NT5C3B: variants seen among roughly 807,000 people sequenced by gnomAD.
The protein encoded by NT5C3B is 5'-nucleotidase, cytosolic IIIB.
A neutral mutation model predicts 32.5 loss-of-function variants in NT5C3B; 28 were observed. That is an observed-to-expected ratio of 0.86 (90% CI 0.64 to 1.18). The LOEUF is 1.18. Among genes scored for constraint, NT5C3B ranks in the 50% most tolerant of loss-of-function variants. The probability of loss-of-function intolerance (pLI) is 0.00; values close to 1 mark genes in which losing one functional copy is unlikely to be tolerated. For synonymous variants in NT5C3B, 138 were observed against 118.0 expected, an observed-to-expected ratio of 1.17 and a Z score of -1.10; for missense variants, 317 against 322.0, an observed-to-expected ratio of 0.98 and a Z score of 0.12.
intron 8 of NT5C3B, 147 bp from the exon 9 acceptor site, chr17:41,825,804 C>T (rs1275270993): frequency 3.9e-5 from 28 of 726,444 alleles, no homozygotes; most frequent in Non-Finnish European, 6.4e-5. Context: ...TCAAGGTTAC[C>T]GGGCCTACCC....
intron 4 of NT5C3B, 93 bp downstream of exon 4, chr17:41,834,977 A>C: frequency 8.1e-7 from 1 of 1,242,086 alleles, no homozygotes; most frequent in Middle Eastern, 1.9e-4. Context: ...TTAATTTTCT[A>C]AGGTCTCTAT....
At position 41,827,608 on chromosome 17, in the gene NT5C3B, T is replaced by G; in HGVS notation, c.586A>C (p.Lys196Gln). 1.2e-6 allele frequency: 1 copy of G among 861,544 alleles called. No individual in the cohort carries two copies. Among genetic ancestry groups the G allele is most frequent in the South Asian group, 1.3e-5 (1 of 76,224 alleles). The allele number at this position is 861,544 out of a possible 1,614,324, so 53.4% of individuals were successfully genotyped here. A position where few individuals can be genotyped will look rare whatever the true frequency, so the allele number is the denominator to read the frequency against. ...TTGTATGTGTGTATGAGCTGGCCCT[T>G]AAATCCCTGGAGAAAACCCTAAATA... ...FNEDGFLQGFKGQLIHTYNKN... is the reference protein window; with the variant it reads ...FNEDGFLQGFQGQLIHTYNKN... The change falls in exon 8 of 9, where the codon AAG becomes CAG. Residue 196 changes from lysine (K) to glutamine (Q), a missense_variant. By Grantham distance (53) the Lys-to-Gln change is moderately conservative (BLOSUM62 1). Coordinates refer to ENST00000435506, the MANE Select transcript of NT5C3B (RefSeq NM_052935.5).
chr17:41,826,011 C>A (rs1412168843), intron 8 of NT5C3B, among the ~76,000 whole-genome samples: 2 of 151,974 alleles, frequency 1.3e-5, no homozygotes, highest in Non-Finnish European at 2.9e-5. Flanking sequence ...AAAAATTGGC[C>A]GGGCATGGGG....
rs2047987733 is a variant in NT5C3B at position 41,827,541 on chromosome 17, T to G, written c.653A>C (p.Gln218Pro). ...SACENSGYFQ[Q>P]LEGKTNVILL... ...GATGACATTGGTTTTGCCCTCAAGTTGCTGGAAGTAACCAGAGTTCTCACA... is the reference window on the plus strand; with the variant it reads ...GATGACATTGGTTTTGCCCTCAAGTGGCTGGAAGTAACCAGAGTTCTCACA... The change falls in exon 8 of 9, where the codon CAA becomes CCA. Residue 218 changes from glutamine to proline, a missense_variant. Transcript: ENST00000435506. 1 of 872,778 alleles carries G rather than the reference T, an allele frequency of 1.1e-6. No homozygotes were observed. The highest frequency in any genetic ancestry group is 2.0e-6 in the Non-Finnish European group (1 of 501,494). 54.1% of individuals were successfully genotyped at this position (872,778 alleles called of 1,614,324 possible).
At chr17:41,828,692 C>A in intron 7 of NT5C3B, 98 bp downstream of exon 7, 2 of 1,150,926 alleles carry the variant, frequency 1.7e-6, no homozygotes, top group Non-Finnish European at 2.5e-6. Context: ...TGGCTTCCCT[C>A]CCCTTCTTCC....
Position 41,835,120 on chromosome 17 carries a change from G to T in NT5C3B, c.182-4C>A, listed in dbSNP as rs782735776. 3.1e-6 allele frequency: 5 copies of T among 1,613,958 alleles called. No homozygotes were observed. In the Admixed American group the frequency reaches 6.7e-5, roughly 22 times the overall value. ...ATCTTGCTATTATCCAGAATATCTG[G>T]AAAAAGAGAAAACTCCTTTTACTTG... On this transcript the variant is annotated splice_polypyrimidine_tract_variant and splice_region_variant and intron_variant, in intron 3 of 8. Transcript: ENST00000435506.
rs77648124 is a variant in NT5C3B, at chr17:41,835,374, G to C, written c.112-102C>G. 3,531 of 988,256 alleles carry C rather than the reference G, an allele frequency of 3.6e-3. 93 individuals carry two copies. In the African/African-American group the frequency reaches 0.052, roughly 14 times the overall value. The allele number at this position is 988,256 out of a possible 1,614,324, so 61.2% of individuals were successfully genotyped here. A position where few individuals can be genotyped will look rare whatever the true frequency, so the allele number is the denominator to read the frequency against. On this transcript the variant is annotated intron_variant, in intron 2 of 8. Transcript: ENST00000435506. ...TTATGGAAATCAATACAGCTCAGTG[G>C]CCAGGATGTAGGCAAAGCCCTAGGG...
rs150328261 is a variant in NT5C3B, at chr17:41,826,413, G to C, written c.769-756C>G. Among the ~76,000 whole-genome samples, 115 of 152,244 alleles carry C rather than the reference G, an allele frequency of 7.6e-4. 1 individual carries two copies. The highest frequency in any genetic ancestry group is 2.3e-3 in the South Asian group (11 of 4,830). Reference sequence around the variant, plus strand: ...AATTGTTGTTGCTGTTGTTGAGACAGGGTCTCACTATGTTGCCCAGGCTGG... The same window carrying C: ...AATTGTTGTTGCTGTTGTTGAGACACGGTCTCACTATGTTGCCCAGGCTGG... On this transcript the variant is annotated intron_variant, in intron 8 of 8. Coordinates refer to ENST00000435506, the MANE Select transcript of NT5C3B (RefSeq NM_052935.5).
chr17:41,832,302 G>T, intron 5 of NT5C3B, 90 bp downstream of exon 5: 1 of 1,061,422 alleles, frequency 9.4e-7, no homozygotes, highest in Non-Finnish European at 1.4e-6. Context: ...AAGGGAGCCT[G>T]TCATCTCATC....
rs1555618395 is a variant in NT5C3B, at chr17:41,827,527, T to A, written c.667A>T (p.Thr223Ser). 3.4e-6 allele frequency: 3 copies of A among 872,784 alleles called. No homozygotes were observed. Among genetic ancestry groups the A allele is most frequent in the African/African-American group, 3.3e-5 (2 of 61,302 alleles). The allele number at this position is 872,784 out of a possible 1,614,324, so 54.1% of individuals were successfully genotyped here. ...GAGTCTCCCAGCAGGATGACATTGG[T>A]TTTGCCCTCAAGTTGCTGGAAGTAA... ...SGYFQQLEGK[T>S]NVILLGDSIG... Residue 223 changes from threonine to serine, a missense_variant, in exon 8 of 9, where the codon ACC becomes TCC. Coordinates refer to ENST00000435506, the MANE Select transcript of NT5C3B (RefSeq NM_052935.5).
Position 41,833,007 on chromosome 17 carries a change from A to G in NT5C3B, c.229-530T>C, listed in dbSNP as rs116530027. Among the ~76,000 whole-genome samples, 454 of 152,124 alleles carry G rather than the reference A, an allele frequency of 3.0e-3. 4 individuals carry two copies. The highest frequency in any genetic ancestry group is 0.01 in the African/African-American group (419 of 41,508). ...ATCTTCCAACATAATCGCTCAATAC[A>G]CTCACATTTTTACCCATTTGGTGAA... On this transcript the variant is annotated intron_variant, in intron 4 of 8. Coordinates refer to ENST00000435506, the MANE Select transcript of NT5C3B (RefSeq NM_052935.5).
chr17:41,825,803 C>T, intron 8 of NT5C3B, 146 bp from the exon 9 acceptor site: 6 of 726,792 alleles, frequency 8.3e-6, no homozygotes, highest in Non-Finnish European at 1.4e-5. Flanking sequence ...TTCAAGGTTA[C>T]CGGGCCTACC....
Position 41,828,911 on chromosome 17 carries a change from T to C in NT5C3B, c.446A>G (p.Asn149Ser), listed in dbSNP as rs781825166. Residue 149 changes from asparagine (N) to serine (S), a missense_variant, in exon 7 of 9, where the codon AAC becomes AGC. Transcript: ENST00000435506. The stretch of plus-strand genomic sequence containing the variant: ...CGCAGAAAAGATGAAAAGGGGAATG[T>C]TGTTATGGTAGAGTGTGTTGAAGAA... The part of the protein sequence containing the change: ...KTFFNTLYHN[N>S]IPLFIFSAGI... 8.1e-6 allele frequency: 13 copies of C among 1,614,028 alleles called. No homozygotes were observed. The Admixed American group carries it at 1.3e-4, about 17-fold the overall frequency.
At chr17:41,834,007 A>T (rs2048096670) in intron 4 of NT5C3B, among the ~76,000 whole-genome samples, 1 of 152,228 alleles carries the variant, frequency 6.6e-6, no homozygotes, top group South Asian at 2.1e-4. Context: ...GTTCAAAAGA[A>T]GATTAAATGA....
At chr17:41,831,400 C>T (rs1020601343) in intron 5 of NT5C3B, among the ~76,000 whole-genome samples, 2 of 151,544 alleles carry the variant, frequency 1.3e-5, no homozygotes, top group African/African-American at 2.4e-5. Flanking sequence ...CTGCTGAAGT[C>T]GGCACTCTTC....
intron 1 of NT5C3B, 56 bp downstream of exon 1, chr17:41,836,126 G>A: frequency 7.6e-7 from 1 of 1,323,514 alleles, no homozygotes; most frequent in East Asian, 3.1e-5. Context: ...GGCTCGAAGC[G>A]CCCCGGGGGT....
intron 4 of NT5C3B, among the ~76,000 whole-genome samples, chr17:41,834,320 G>A (rs1555619473): frequency 2.0e-5 from 3 of 151,376 alleles, no homozygotes; most frequent in South Asian, 2.1e-4. Flanking sequence ...TGCTTGAACC[G>A]AGGTTGCAGT....
intron 1 of NT5C3B, 27 bp downstream of exon 1, chr17:41,836,155 C>T: frequency 7.7e-7 from 1 of 1,305,344 alleles, no homozygotes; most frequent in Non-Finnish European, 9.7e-7. Flanking sequence ...GGGCCCGCCC[C>T]ACTCCGGACG....
chr17:41,825,230 T>C lies in NT5C3B; in HGVS notation c.*293A>G, dbSNP rs1309926995. The C allele has an allele frequency of 1.1e-5, 4 of 351,534 alleles. No individual in the cohort carries two copies. Among genetic ancestry groups the C allele is most frequent in the Admixed American group, 4.2e-5 (1 of 23,620 alleles). The allele number at this position is 351,534 out of a possible 1,614,324, so 21.8% of individuals were successfully genotyped here. ...ATCTGTTTCACACATTATATTTGTT[T>C]GAACTTCCCATGTTTAAAAATTTTG... On this transcript the variant is annotated 3_prime_UTR_variant, in exon 9 of 9. Coordinates refer to ENST00000435506, the MANE Select transcript of NT5C3B (RefSeq NM_052935.5).
Sources: gnomAD v4.1 joint callset for allele counts (sites outside exome capture counted in the v4.1 genomes callset) on GRCh38, gnomAD v4.1.1 for gene constraint, MANE v1.5 for transcripts, NCBI Gene and HGNC (gene_info 2026-07-23, HGNC 2026-07-21) for gene names.